Variants in CAP2 observed in about 807,000 individuals in gnomAD.
CAP2 encodes the protein adenylyl cyclase-associated protein 2.
Under a neutral mutation model 57.7 loss-of-function variants are expected in CAP2, and 24 were observed. That is an observed-to-expected ratio of 0.42 (90% CI 0.30 to 0.58). The LOEUF (loss-of-function observed/expected upper bound fraction) is 0.58. Among genes scored for constraint, CAP2 ranks in the 20% least tolerant of loss-of-function variants. The pLI, the probability that CAP2 is intolerant of heterozygous loss-of-function variation, is 0.22. For missense variants in CAP2, 501 were observed against 590.3 expected, an observed-to-expected ratio of 0.85 and a Z score of 1.57; for synonymous variants, 194 against 207.2, an observed-to-expected ratio of 0.94 and a Z score of 0.55.
chr6:17,503,736 C>A (rs1227255158), intron 4 of CAP2, among the ~76,000 whole-genome samples: 1 of 152,046 alleles, frequency 6.6e-6, no homozygotes, highest in African/African-American at 2.4e-5. Flanking sequence ...TATTTAAGAT[C>A]CTTTCTCCAA....
At chr6:17,539,180 A>C in intron 7 of CAP2, 89 bp from the exon 8 acceptor site, 1 of 1,227,732 alleles carries the variant, frequency 8.1e-7, no homozygotes, top group Non-Finnish European at 1.2e-6. Context: ...CCACTCTCTC[A>C]TTGGCAGCAG....
chr6:17,403,987 T>C (rs530788459), intron 1 of CAP2, among the ~76,000 whole-genome samples: 9 of 152,342 alleles, frequency 5.9e-5, no homozygotes, highest in African/African-American at 2.2e-4. Flanking sequence ...TCTTTTAGGG[T>C]ATATACAAGT....
chr6:17,511,767 A>G (rs2113664939), intron 6 of CAP2, among the ~76,000 whole-genome samples: 1 of 152,262 alleles, frequency 6.6e-6, no homozygotes, highest in East Asian at 1.9e-4. Context: ...TTCTTTCAAT[A>G]TATGAATACA....
chr6:17,400,560 A>G (rs188558108), intron 1 of CAP2, among the ~76,000 whole-genome samples: 14 of 152,274 alleles, frequency 9.2e-5, no homozygotes, highest in Admixed American at 6.5e-4. Flanking sequence ...AGTTTTAGTC[A>G]GAGAAGAATC....
Position 17,421,535 on chromosome 6 carries a change from T to C in CAP2, c.-1-20T>C, listed in dbSNP as rs368506991. 3 of 1,613,996 alleles carry C rather than the reference T, an allele frequency of 1.9e-6. No individual in the cohort carries two copies. Among genetic ancestry groups the C allele is most frequent in the East Asian group, 2.2e-5 (1 of 44,884 alleles). Reference sequence around the variant, plus strand: ...TCCCTGATGCTCACGCAGCCTCCATTTGTGCCTGTGCTTTTCTAGAATGGC... The same window carrying C: ...TCCCTGATGCTCACGCAGCCTCCATCTGTGCCTGTGCTTTTCTAGAATGGC... On this transcript the variant is annotated intron_variant, in intron 1 of 12. Coordinates refer to ENST00000229922, the MANE Select transcript of CAP2 (RefSeq NM_006366.3).
intron 4 of CAP2, among the ~76,000 whole-genome samples, chr6:17,471,711 G>C (rs1347428754): frequency 4.0e-5 from 6 of 151,260 alleles, no homozygotes; most frequent in Admixed American, 3.9e-4. Flanking sequence ...GGTGCCTGTA[G>C]TCCCAGCTAC....
intron 1 of CAP2, among the ~76,000 whole-genome samples, chr6:17,401,691 A>G (rs1339194954): frequency 1.3e-5 from 2 of 152,236 alleles, no homozygotes; most frequent in African/African-American, 2.4e-5. Flanking sequence ...TTCAGGGTAC[A>G]ATGCAGATCC....
chr6:17,467,556 C>G (rs377522928), intron 4 of CAP2, among the ~76,000 whole-genome samples: 1 of 152,168 alleles, frequency 6.6e-6, no homozygotes, highest in African/African-American at 2.4e-5. Context: ...CGGAATCTTG[C>G]TCTGTCACCC....
At chr6:17,532,466 T>G (rs1391515121) in intron 7 of CAP2, among the ~76,000 whole-genome samples, 1 of 147,666 alleles carries the variant, frequency 6.8e-6, no homozygotes, top group African/African-American at 2.5e-5. Context: ...AGAGTTTAGG[T>G]AGGGTGCAGT....
At chr6:17,541,245 T>A in intron 9 of CAP2, 97 bp downstream of exon 9, 16 of 908,246 alleles carry the variant, frequency 1.8e-5, no homozygotes, top group Non-Finnish European at 1.2e-5. Flanking sequence ...TTCTTTTTTT[T>A]AATTTTTGTA....
chr6:17,489,536 A>C (rs1379965678), intron 4 of CAP2, among the ~76,000 whole-genome samples: 1 of 152,174 alleles, frequency 6.6e-6, no homozygotes, highest in Admixed American at 6.5e-5. Context: ...TCAGAGTCCC[A>C]CATGGTGCCC....
At chr6:17,523,624 A>T (rs1326020620) in intron 7 of CAP2, among the ~76,000 whole-genome samples, 4 of 152,210 alleles carry the variant, frequency 2.6e-5, no homozygotes, top group Non-Finnish European at 5.9e-5. Flanking sequence ...GAGAACTAGA[A>T]GAATGGAGAG....
chr6:17,513,157 G>T lies in CAP2; in HGVS notation c.531-692G>T, dbSNP rs1477393094. On this transcript the variant is annotated intron_variant, in intron 6 of 12. Coordinates refer to ENST00000229922, the MANE Select transcript of CAP2 (RefSeq NM_006366.3). This position sits in a 1 kb window ranked among gnomAD's most constrained non-coding sequence, Gnocchi z 4.3. ...CTTGTATGTTAATCCCATTATAAAA[G>T]GTAAGCATTTTACTAGCCCTTGGTT... 6.6e-6 allele frequency among the ~76,000 whole-genome samples: 1 copy of T among 151,966 alleles called. No homozygotes were observed. The highest frequency in any genetic ancestry group is 2.4e-5 in the African/African-American group (1 of 41,378).
chr6:17,436,413 A>T (rs1309773341), intron 3 of CAP2, among the ~76,000 whole-genome samples: 1 of 152,138 alleles, frequency 6.6e-6, no homozygotes, highest in Non-Finnish European at 1.5e-5. Context: ...GATTATAAGC[A>T]TGAGCCACCG....
At chr6:17,465,772 C>A (rs1429612869) in intron 4 of CAP2, among the ~76,000 whole-genome samples, 1 of 152,166 alleles carries the variant, frequency 6.6e-6, no homozygotes, top group African/African-American at 2.4e-5. Flanking sequence ...TTGCGAAAGG[C>A]GTGTAATTTA....
intron 3 of CAP2, among the ~76,000 whole-genome samples, chr6:17,432,902 CTTTTA>C (rs1216596374): frequency 6.6e-6 from 1 of 150,602 alleles, no homozygotes; most frequent in Non-Finnish European, 1.5e-5. Context: ...CTTTCCTTTG[CTTTTA>C]TTTTCTTTTA....
chr6:17,478,317 T>G (rs1205873146), intron 4 of CAP2, among the ~76,000 whole-genome samples: 2 of 146,142 alleles, frequency 1.4e-5, no homozygotes, highest in Admixed American at 6.9e-5. Flanking sequence ...TTTTTTTTTT[T>G]GTATTTTTAG....
At chr6:17,407,222 A>G (rs1304893603) in intron 1 of CAP2, among the ~76,000 whole-genome samples, 1 of 151,530 alleles carries the variant, frequency 6.6e-6, no homozygotes, top group Non-Finnish European at 1.5e-5. Flanking sequence ...TTCCCCTTTT[A>G]CTTTGGGCTC....
intron 4 of CAP2, among the ~76,000 whole-genome samples, chr6:17,471,126 G>A (rs1047615116): frequency 1.3e-5 from 2 of 152,164 alleles, no homozygotes; most frequent in Non-Finnish European, 2.9e-5. Context: ...AAATTACTTG[G>A]TGCTAGTGGC....
Sources: allele counts gnomAD v4.1 joint callset (sites outside exome capture counted in the v4.1 genomes callset), GRCh38; gene constraint gnomAD v4.1.1; non-coding constraint Gnocchi (gnomAD v3.1); transcripts MANE v1.5; gene names NCBI Gene and HGNC (gene_info 2026-07-23, HGNC 2026-07-21).